The following SMYD3 variants were observed in gnomAD, a reference collection of about 807,000 sequenced individuals.
SMYD3 encodes the protein SET and MYND domain containing 3, also known as histone-lysine N-methyltransferase SMYD3.
SMYD3 carries 36 observed loss-of-function variants against 57.7 expected under a neutral mutation model. The ratio of observed to expected loss-of-function variants is 0.62; its 90% CI spans 0.48 to 0.82. The LOEUF (loss-of-function observed/expected upper bound fraction) is 0.82, where lower values mean the gene tolerates loss of function less well. Among genes scored for constraint, SMYD3 ranks in the 40% least tolerant of loss-of-function variants. SMYD3 has a pLI of 0.00. For synonymous variants in SMYD3, 211 were observed against 195.0 expected (o/e 1.08, Z -0.68); for missense variants, 515 against 538.8 (o/e 0.96, Z 0.44).
At chr1:246,420,014 C>G (rs961267618) in intron 1 of SMYD3, among the ~76,000 whole-genome samples, 10 of 152,170 alleles carry the variant, frequency 6.6e-5, no homozygotes, top group African/African-American at 2.2e-4. Context: ...TCCTGGCTAA[C>G]ACGGTGAAAC....
At chr1:245,858,370 C>A in intron 10 of SMYD3, 126 bp downstream of exon 10, 1 of 960,340 alleles carries the variant, frequency 1.0e-6, no homozygotes, top group South Asian at 1.9e-5. Context: ...TGGTTTTAAA[C>A]AATGGTTGAG....
At chr1:246,148,878 A>T (rs139629667) in intron 5 of SMYD3, among the ~76,000 whole-genome samples, 48 of 152,340 alleles carry the variant, frequency 3.2e-4, no homozygotes, top group Middle Eastern at 3.4e-3. Flanking sequence ...ACCAGGGCAG[A>T]GTTACTGCAG....
At chr1:246,030,357 G>A (rs1377890272) in intron 5 of SMYD3, among the ~76,000 whole-genome samples, 1 of 152,104 alleles carries the variant, frequency 6.6e-6, no homozygotes, top group Non-Finnish European at 1.5e-5. Flanking sequence ...TTATGTGGGA[G>A]CAAAAAAGAT....
intron 5 of SMYD3, among the ~76,000 whole-genome samples, chr1:246,211,528 T>C (rs374963703): frequency 7.0e-6 from 1 of 142,712 alleles, no homozygotes; most frequent in East Asian, 2.5e-4. Context: ...AGATGGGCAA[T>C]GTTTCTACTA....
At chr1:246,078,957 T>A (rs1181825297) in intron 5 of SMYD3, among the ~76,000 whole-genome samples, 1 of 152,148 alleles carries the variant, frequency 6.6e-6, no homozygotes, top group Admixed American at 6.5e-5. Context: ...GAGGTTATAG[T>A]TTAGCAGAAG....
chr1:245,782,948 G>A (rs954014946), intron 10 of SMYD3, among the ~76,000 whole-genome samples: 6 of 152,152 alleles, frequency 3.9e-5, no homozygotes, highest in African/African-American at 1.4e-4. Context: ...TCAGAATCAT[G>A]GATCAGAAAT....
At chr1:245,847,906 T>C (rs1026783280) in intron 10 of SMYD3, among the ~76,000 whole-genome samples, 1 of 152,196 alleles carries the variant, frequency 6.6e-6, no homozygotes, top group Non-Finnish European at 1.5e-5. Context: ...TCATATATAT[T>C]GCTCATACAC....
At chr1:246,065,469 G>A (rs1030763890) in intron 5 of SMYD3, among the ~76,000 whole-genome samples, 5 of 152,202 alleles carry the variant, frequency 3.3e-5, no homozygotes, top group African/African-American at 1.2e-4. Flanking sequence ...ATTATGGGGT[G>A]AAAGAAGTAA....
chr1:245,889,082 C>T (rs2053240385), intron 8 of SMYD3, among the ~76,000 whole-genome samples: 1 of 152,144 alleles, frequency 6.6e-6, no homozygotes, highest in Non-Finnish European at 1.5e-5. Flanking sequence ...CATATCCCAA[C>T]AGTGAGCTGT....
intron 5 of SMYD3, among the ~76,000 whole-genome samples, chr1:245,993,561 G>A (rs7548497): frequency 1.0e-3 from 148 of 147,976 alleles, no homozygotes; most frequent in South Asian, 2.3e-3. Context: ...ATAGCAAGAC[G>A]TTGTCTCAAA....
At chr1:246,349,560 T>C (rs911498619) in intron 2 of SMYD3, among the ~76,000 whole-genome samples, 1 of 151,648 alleles carries the variant, frequency 6.6e-6, no homozygotes, top group East Asian at 1.9e-4. Context: ...GTGAGGGGTG[T>C]TCAGGCCACT....
intron 8 of SMYD3, among the ~76,000 whole-genome samples, chr1:245,893,932 G>A (rs552348976): frequency 1.3e-5 from 2 of 152,292 alleles, no homozygotes; most frequent in East Asian, 3.9e-4. Flanking sequence ...AGAGGTTAGG[G>A]CTATACTCTT....
intron 5 of SMYD3, among the ~76,000 whole-genome samples, chr1:246,084,413 G>A (rs904921760): frequency 2.6e-5 from 4 of 151,858 alleles, no homozygotes; most frequent in Non-Finnish European, 5.9e-5. Flanking sequence ...ATGGAGTTTT[G>A]ACATGTTGCC....
At chr1:245,759,328 A>ATG (rs1183333271) in intron 11 of SMYD3, among the ~76,000 whole-genome samples, 2 of 151,742 alleles carry the variant, frequency 1.3e-5, no homozygotes, top group African/African-American at 4.8e-5. Flanking sequence ...CCACCTCCCC[A>ATG]CACGGTAACG....
At position 246,409,056 on chromosome 1, in the gene SMYD3, A is replaced by G. The variant is rs2066916953; in HGVS notation, c.165-53962T>C. On this transcript the variant is annotated intron_variant, in intron 1 of 11. Coordinates refer to ENST00000490107, the MANE Select transcript of SMYD3 (RefSeq NM_001167740.2). The stretch of plus-strand genomic sequence containing the variant: ...TTTTCTTGTAAATTTGTTTGAGTTC[A>G]TTGTAGATTCTGGATATTAGCCCTT... Among the ~76,000 whole-genome samples the G allele has an allele frequency of 2.6e-5, 4 of 151,906 alleles. 1 individual carries two copies. The South Asian group carries it at 8.3e-4, about 32-fold the overall frequency.
chr1:246,282,437 T>TGCA (rs1168756642), intron 5 of SMYD3, among the ~76,000 whole-genome samples: 2 of 149,782 alleles, frequency 1.3e-5, no homozygotes, highest in African/African-American at 4.9e-5. Flanking sequence ...AGGTCGGGGC[T>TGCA]GCAGTGAGCT....
At chr1:246,378,728 T>TATATAATATAAG in intron 1 of SMYD3, among the ~76,000 whole-genome samples, 1 of 106,394 alleles carries the variant, frequency 9.4e-6, no homozygotes, top group Admixed American at 1.4e-4. Flanking sequence ...TAATATATTA[T>TATATAATATAAG]ATATTATATA....
At chr1:246,272,897 C>T (rs2064248550) in intron 5 of SMYD3, among the ~76,000 whole-genome samples, 1 of 152,128 alleles carries the variant, frequency 6.6e-6, no homozygotes, top group Admixed American at 6.5e-5. Flanking sequence ...TAGAATTCAC[C>T]TGTGAAGCCC....
rs75493007 is a variant in SMYD3, at chr1:245,850,219, C to T, written c.1076+8277G>A. 3.7e-3 allele frequency among the ~76,000 whole-genome samples: 558 copies of T among 152,284 alleles called. 2 individuals are homozygous for T. Among genetic ancestry groups the T allele is most frequent in the African/African-American group, 0.013 (535 of 41,564 alleles). ...CAGGCTTTCTTGGCTCCACCCCACA[C>T]GGTCCTGGGGCTCTCAGAAATGCCA... On this transcript the variant is annotated intron_variant, in intron 10 of 11. Transcript: ENST00000490107.
Sources: allele counts gnomAD v4.1 joint callset (sites outside exome capture counted in the v4.1 genomes callset), GRCh38; gene constraint gnomAD v4.1.1; transcripts MANE v1.5; gene names NCBI Gene and HGNC (gene_info 2026-07-23, HGNC 2026-07-21).